The following NEIL3 variants were observed in gnomAD, a reference collection of about 807,000 sequenced individuals.
The protein encoded by NEIL3 is nei like DNA glycosylase 3, also known as endonuclease 8-like 3.
NEIL3 carries 48 observed loss-of-function variants against 57.5 expected under a neutral mutation model. The observed-to-expected ratio is 0.83, with a 90% CI of 0.66 to 1.06. The LOEUF (loss-of-function observed/expected upper bound fraction) is 1.06. Among genes scored for constraint, NEIL3 ranks in the 50% least tolerant of loss-of-function variants. NEIL3 has a pLI of 0.00. For missense variants in NEIL3, 717 were observed against 739.1 expected (o/e 0.97, Z 0.35); for synonymous variants, 261 against 253.2 (o/e 1.03, Z -0.29).
intron 8 of NEIL3, among the ~76,000 whole-genome samples, chr4:177,359,100 AGGTTGT>A (rs1205244312): frequency 6.6e-6 from 1 of 152,132 alleles, no homozygotes; most frequent in Non-Finnish European, 1.5e-5. Context: ...GTGAACTGAA[AGGTTGT>A]GGAAAAGAAA....
rs1560924538 is a variant in NEIL3, at chr4:177,362,416, A to AT, written c.1769dup (p.Gln591ProfsTer47). On this transcript the variant is annotated frameshift_variant, in exon 10 of 10. Coordinates refer to ENST00000264596, the MANE Select transcript of NEIL3 (RefSeq NM_018248.3). LOFTEE classifies it high-confidence loss of function. ...CCTCTTGGGAAGGAAAAACAATGCA[A>AT]TTTTTTCCAGTGGGCAGAAAATGGG... 4.3e-6 allele frequency: 7 copies of AT among 1,613,542 alleles called. No homozygotes were observed. Among genetic ancestry groups the AT allele is most frequent in the Non-Finnish European group, 5.9e-6 (7 of 1,179,820 alleles).
At chr4:177,324,672 A>G (rs78822456) in intron 2 of NEIL3, among the ~76,000 whole-genome samples, 284 of 152,290 alleles carry the variant, frequency 1.9e-3, no homozygotes, top group African/African-American at 6.6e-3. Context: ...TAACTCTTCA[A>G]CTAAAACAAC....
rs766305077 is a variant in NEIL3, at chr4:177,362,499, T to C, written c.*28T>C. 6.5e-7 allele frequency: 1 copy of C among 1,546,616 alleles called. No homozygotes were observed. The highest frequency in any genetic ancestry group is 1.2e-5 in the South Asian group (1 of 85,058). On this transcript the variant is annotated 3_prime_UTR_variant, in exon 10 of 10. Coordinates refer to ENST00000264596, the MANE Select transcript of NEIL3 (RefSeq NM_018248.3). ...TCTGTAGATTCTCTGGCATTTAGTC[T>C]CTTCAAACTGTGTATAATGTTTGGT...
intron 1 of NEIL3, 77 bp downstream of exon 1, chr4:177,310,186 T>A: frequency 7.3e-7 from 1 of 1,375,708 alleles, no homozygotes; most frequent in Non-Finnish European, 9.5e-7. Flanking sequence ...TTCCAGGATT[T>A]AAAGTGTCAT....
At chr4:177,319,291 G>A (rs1458791976) in intron 1 of NEIL3, among the ~76,000 whole-genome samples, 1 of 152,198 alleles carries the variant, frequency 6.6e-6, no homozygotes, top group Admixed American at 6.5e-5. Context: ...GAGAAGACAA[G>A]TAGTGAGTGC....
In NEIL3 at chr4:177,320,466, CTTTTTTTTT is replaced by C. The variant is rs34353849; in HGVS notation, c.157-1972_157-1964del. Among the ~76,000 whole-genome samples the C allele has an allele frequency of 1.2e-4, 9 of 77,456 alleles. No individual in the cohort carries two copies. The South Asian group carries it at 2.9e-3, about 25-fold the overall frequency. 50.8% of individuals were successfully genotyped at this position (77,456 alleles called of 152,430 possible). A position where few individuals can be genotyped will look rare whatever the true frequency, so the allele number is the denominator to read the frequency against. On this transcript the variant is annotated intron_variant, in intron 1 of 9. Coordinates refer to ENST00000264596, the MANE Select transcript of NEIL3 (RefSeq NM_018248.3). ...GTGCAGAACAGGAAGTGACTGCTGTCTTTTTTTTTTTTTTTTTTTTTTTTTTTTTGAAAC... is the reference window on the plus strand; with the variant it reads ...GTGCAGAACAGGAAGTGACTGCTGTCTTTTTTTTTTTTTTTTTTTTGAAAC...
chr4:177,360,722 T>A lies in NEIL3; in HGVS notation c.1635+45T>A. The A allele has an allele frequency of 2.8e-6, 4 of 1,444,886 alleles. No individual in the cohort carries two copies. The Middle Eastern group carries it at 7.2e-4, about 260-fold the overall frequency. 89.5% of individuals were successfully genotyped at this position (1,444,886 alleles called of 1,614,324 possible). A position where few individuals can be genotyped will look rare whatever the true frequency, so the allele number is the denominator to read the frequency against. On this transcript the variant is annotated intron_variant, in intron 9 of 9. Transcript: ENST00000264596. ...AGCTTACTAAAATGTAATTAAATGCTTTGGTTATTAATGTATAACAAATAG... is the reference window on the plus strand; with the variant it reads ...AGCTTACTAAAATGTAATTAAATGCATTGGTTATTAATGTATAACAAATAG...
chr4:177,355,866 G>T (rs562965713), intron 8 of NEIL3, among the ~76,000 whole-genome samples: 39 of 152,068 alleles, frequency 2.6e-4, no homozygotes, highest in South Asian at 1.0e-3. Context: ...TCCTTGACTG[G>T]TTTTTTTAAT....
chr4:177,369,078 G>A, the NEIL3 span, among the ~76,000 whole-genome samples: 2 of 152,098 alleles, frequency 1.3e-5, no homozygotes, highest in Non-Finnish European at 2.9e-5. Flanking sequence ...AAAGATTCAG[G>A]GACAGGTATT....
intron 1 of NEIL3, among the ~76,000 whole-genome samples, chr4:177,318,349 A>G (rs1734612862): frequency 6.6e-6 from 1 of 151,678 alleles, no homozygotes; most frequent in East Asian, 1.9e-4. Flanking sequence ...TGTATGTCAT[A>G]TGGTGGTTTG....
At chr4:177,344,009 A>T (rs1208636887) in intron 6 of NEIL3, among the ~76,000 whole-genome samples, 1 of 152,178 alleles carries the variant, frequency 6.6e-6, no homozygotes, top group East Asian at 1.9e-4. Flanking sequence ...AGATTAAAAA[A>T]TTATAAATAT....
intron 8 of NEIL3, among the ~76,000 whole-genome samples, chr4:177,358,410 G>T (rs1317799730): frequency 2.0e-5 from 3 of 151,916 alleles, no homozygotes; most frequent in Non-Finnish European, 4.4e-5. Context: ...CGGGTTCAAG[G>T]GATTCTTCTG....
At chr4:177,338,468 C>T (rs1735020650) in intron 4 of NEIL3, among the ~76,000 whole-genome samples, 1 of 152,130 alleles carries the variant, frequency 6.6e-6, no homozygotes, top group Non-Finnish European at 1.5e-5. Context: ...CTATATTTTT[C>T]ATTCATGTTT....
At chr4:177,318,607 T>C (rs1200174765) in intron 1 of NEIL3, among the ~76,000 whole-genome samples, 1 of 152,172 alleles carries the variant, frequency 6.6e-6, no homozygotes, top group Admixed American at 6.5e-5. Context: ...ACAAGGGCCT[T>C]TGCTCTGTCA....
At chr4:177,369,648 C>T in the NEIL3 span, among the ~76,000 whole-genome samples, 3 of 152,110 alleles carry the variant, frequency 2.0e-5, no homozygotes, top group Non-Finnish European at 2.9e-5. Flanking sequence ...GTTAGTCACT[C>T]AGATTCTGAA....
rs34885569 is a variant in NEIL3, at chr4:177,359,792, A to G, written c.1461-711A>G. Among the ~76,000 whole-genome samples the G allele has an allele frequency of 6.1e-3, 935 of 152,344 alleles. 45 individuals are homozygous for G. The East Asian group carries it at 0.12, about 20-fold the overall frequency. ...TCTTTTCAAGAAGAAAATTCTGTTT[A>G]TACAGCTACAGTACAAGGCCAGCTT... is the stretch of plus-strand genomic sequence containing the variant. On this transcript the variant is annotated intron_variant, in intron 8 of 9. Coordinates refer to ENST00000264596, the MANE Select transcript of NEIL3 (RefSeq NM_018248.3).
In NEIL3 at chr4:177,310,050, C is replaced by T. The variant is rs753248373; in HGVS notation, c.97C>T (p.Arg33Trp). Residue 33 changes from arginine to tryptophan, a missense_variant, in exon 1 of 10, where the codon CGG (arginine) becomes TGG (tryptophan). By Grantham distance (101) the Arg-to-Trp change is moderately radical. Coordinates refer to ENST00000264596, the MANE Select transcript of NEIL3 (RefSeq NM_018248.3). ...AVTGVRGSALRSLQGRALRLA... is the reference protein window; with the variant it reads ...AVTGVRGSALWSLQGRALRLA... Reference sequence around the variant, plus strand: ...GACCGGCGTGCGGGGAAGCGCTCTGCGGAGTCTGCAGGGCCGCGCCTTGCG... The same window carrying T: ...GACCGGCGTGCGGGGAAGCGCTCTGTGGAGTCTGCAGGGCCGCGCCTTGCG... 2 of 1,608,694 alleles carry T rather than the reference C, an allele frequency of 1.2e-6. No individual in the cohort carries two copies. Among genetic ancestry groups the T allele is most frequent in the Non-Finnish European group, 1.7e-6 (2 of 1,178,258 alleles).
At chr4:177,330,723 T>G (rs1734869440) in intron 2 of NEIL3, among the ~76,000 whole-genome samples, 1 of 152,216 alleles carries the variant, frequency 6.6e-6, no homozygotes, top group Admixed American at 6.5e-5. Flanking sequence ...CAAAAAGAAA[T>G]CAATTTTAAT....
chr4:177,363,942 G>T (rs1197633721), downstream of NEIL3, among the ~76,000 whole-genome samples: 2 of 152,128 alleles, frequency 1.3e-5, no homozygotes, highest in African/African-American at 4.8e-5. Flanking sequence ...GTAGAGACAG[G>T]GTTTGCCATA....
Sources: gnomAD v4.1 joint callset for allele counts (sites outside exome capture counted in the v4.1 genomes callset) on GRCh38, gnomAD v4.1.1 for gene constraint, MANE v1.5 for transcripts, NCBI Gene and HGNC (gene_info 2026-07-23, HGNC 2026-07-21) for gene names.